MBNL1: variants seen among roughly 807,000 people sequenced by gnomAD.
MBNL1 encodes muscleblind-like protein 1.
A neutral mutation model predicts 42.2 loss-of-function variants in MBNL1; 8 were observed. The observed-to-expected ratio is 0.19, with a 90% CI of 0.11 to 0.34. The LOEUF (loss-of-function observed/expected upper bound fraction) is 0.34. Among genes scored for constraint, MBNL1 ranks in the 10% least tolerant of loss-of-function variants. The pLI is 1.00. For missense variants in MBNL1, 309 were observed against 495.3 expected (o/e 0.62, Z 3.57); for synonymous variants, 169 against 173.9 (o/e 0.97, Z 0.22).
chr3:152,444,045 C>G (rs1007552115), intron 4 of MBNL1, among the ~76,000 whole-genome samples: 9 of 152,120 alleles, frequency 5.9e-5, no homozygotes, highest in African/African-American at 2.2e-4. Context: ...CCAAGAAAAC[C>G]TTTGCTTCCT....
At chr3:152,413,925 G>A (rs750689686) in intron 2 of MBNL1, among the ~76,000 whole-genome samples, 31 of 152,260 alleles carry the variant, frequency 2.0e-4, no homozygotes, top group South Asian at 8.3e-4. Context: ...CAAAAGGAAG[G>A]TATATTTGTA....
At chr3:152,459,024 A>G in intron 8 of MBNL1, 1 of 315,472 alleles carries the variant, frequency 3.2e-6, no homozygotes, top group Non-Finnish European at 5.9e-6. Flanking sequence ...TGAATTTTTG[A>G]TAGTTTTACT....
At position 152,252,758 on chromosome 3, in the gene MBNL1, G is replaced by A. The variant is rs181004024; in HGVS notation, n.333+8318G>A. Among the ~76,000 whole-genome samples, 41 of 151,934 alleles carry A rather than the reference G, an allele frequency of 2.7e-4. No individual in the cohort carries two copies. The East Asian group carries it at 5.6e-3, about 21-fold the overall frequency. ...TTTAAAAGTTAAATGGGCATGTTAC[G>A]GAAAAAATAATTATGTAAAGCAAAT... is the stretch of plus-strand genomic sequence containing the variant. On this transcript the variant is annotated intron_variant and non_coding_transcript_variant, in intron 2 of 2. Transcript: ENST00000477171.
chr3:152,340,906 G>C, intron 2 of MBNL1: 5 of 1,603,898 alleles, frequency 3.1e-6, no homozygotes, highest in East Asian at 2.2e-5. Context: ...CATCTGCATT[G>C]TTCTCTTCTA....
intron 2 of MBNL1, among the ~76,000 whole-genome samples, chr3:152,390,092 A>C (rs970257096): frequency 1.3e-5 from 2 of 151,264 alleles, no homozygotes; most frequent in Non-Finnish European, 2.9e-5. Context: ...CTGGTCTCGA[A>C]CTCCTGACCT....
intron 2 of MBNL1, among the ~76,000 whole-genome samples, chr3:152,314,882 A>C (rs2152207961): frequency 6.6e-6 from 1 of 152,284 alleles, no homozygotes; most frequent in Non-Finnish European, 1.5e-5. Flanking sequence ...AGCGTCTGTA[A>C]CTGTTCTTGT....
At chr3:152,268,649 G>A (rs1489625361), upstream of MBNL1, 2 of 415,312 alleles carry the variant, frequency 4.8e-6, no homozygotes, top group Non-Finnish European at 9.6e-6. Context: ...CACGGCGCCC[G>A]CGCGGGCTCC....
At chr3:152,325,087 G>GCCCCCCCCCCCCCCCCCC (rs532842950) in intron 2 of MBNL1, among the ~76,000 whole-genome samples, 1 of 15,368 alleles carries the variant, frequency 6.5e-5, no homozygotes, top group Non-Finnish European at 1.4e-4. Context: ...CCACATACCC[G>GCCCCCCCCCCCCCCCCCC]CCCCCCCCCG....
intron 1 of MBNL1, among the ~76,000 whole-genome samples, chr3:152,298,009 T>G (rs2151391120): frequency 6.6e-6 from 1 of 152,278 alleles, no homozygotes. Context: ...TTCCAAATAG[T>G]TTTGGAAAGT....
At chr3:152,245,761 CTTA>C (rs1214594636) in intron 2 of MBNL1, among the ~76,000 whole-genome samples, 1 of 152,026 alleles carries the variant, frequency 6.6e-6, no homozygotes, top group Non-Finnish European at 1.5e-5. Flanking sequence ...TTGCTGTCTT[CTTA>C]TTATAGGGAG....
At chr3:152,448,508 C>A (rs114928912) in intron 6 of MBNL1, among the ~76,000 whole-genome samples, 1 of 152,120 alleles carries the variant, frequency 6.6e-6, no homozygotes, top group Non-Finnish European at 1.5e-5. Flanking sequence ...TCAGAAAATA[C>A]ATATAAGCTC....
At chr3:152,404,163 T>G (rs950818327) in intron 2 of MBNL1, among the ~76,000 whole-genome samples, 2 of 152,114 alleles carry the variant, frequency 1.3e-5, no homozygotes, top group African/African-American at 4.8e-5. Flanking sequence ...AATGAAAAAT[T>G]GGGAAAAAGA....
chr3:152,413,234 A>C (rs902072611), intron 2 of MBNL1, among the ~76,000 whole-genome samples: 15 of 152,232 alleles, frequency 9.9e-5, no homozygotes, highest in Admixed American at 2.0e-4. Flanking sequence ...CTTCGTGAGC[A>C]TACCAATAGC....
intron 2 of MBNL1, among the ~76,000 whole-genome samples, chr3:152,355,605 A>G (rs1454953339): frequency 6.6e-6 from 1 of 152,186 alleles, no homozygotes; most frequent in Admixed American, 6.5e-5. Context: ...GTATTTTTCA[A>G]TTAGAAAAAT....
chr3:152,362,375 G>T (rs1003632220), intron 2 of MBNL1, among the ~76,000 whole-genome samples: 3 of 152,162 alleles, frequency 2.0e-5, no homozygotes, highest in Non-Finnish European at 4.4e-5. Flanking sequence ...GTCATATGAT[G>T]TAGATTCAAA....
Position 152,460,034 on chromosome 3 carries a change from G to A in MBNL1, c.*18+689G>A, listed in dbSNP as rs566404133. Among the ~76,000 whole-genome samples, 25 of 152,046 alleles carry A rather than the reference G, an allele frequency of 1.6e-4. No homozygotes were observed. The East Asian group carries it at 4.5e-3, about 27-fold the overall frequency. On this transcript the variant is annotated intron_variant, in intron 9 of 9. Coordinates refer to ENST00000324210, the MANE Select transcript of MBNL1 (RefSeq NM_021038.5). ...TTTGGGAGGCCAAGGTGGGTGGATT[G>A]CTTGAGCCCAGGAATTTAAGACTAG...
At chr3:152,266,456 T>C (rs1159159967), upstream of MBNL1, 1 of 152,222 alleles carries the variant, frequency 6.6e-6, no homozygotes, top group Non-Finnish European at 1.5e-5. Flanking sequence ...TGTTTCACCA[T>C]GTTGCTCCAA....
At chr3:152,392,777 C>G (rs962835859) in intron 2 of MBNL1, among the ~76,000 whole-genome samples, 2 of 152,114 alleles carry the variant, frequency 1.3e-5, no homozygotes, top group African/African-American at 4.8e-5. Flanking sequence ...AATACAAACA[C>G]GTTCTTCTGA....
intron 2 of MBNL1, chr3:152,338,579 A>T: frequency 1.0e-6 from 1 of 985,378 alleles, no homozygotes; most frequent in Non-Finnish European, 1.2e-6. Flanking sequence ...GATTTCTCCA[A>T]GCCCCTAAGA....
Sources: gnomAD v4.1 joint callset for allele counts (sites outside exome capture counted in the v4.1 genomes callset) on GRCh38, gnomAD v4.1.1 for gene constraint, MANE v1.5 for transcripts, NCBI Gene and HGNC (gene_info 2026-07-23, HGNC 2026-07-21) for gene names.